Variants in HEATR5B observed in about 807,000 individuals in gnomAD.
HEATR5B encodes the protein HEAT repeat containing 5B, also known as HEAT repeat-containing protein 5B.
A neutral mutation model predicts 224.1 loss-of-function variants in HEATR5B; 156 were observed. The observed-to-expected ratio is 0.70, with a 90% CI of 0.61 to 0.80. The LOEUF (loss-of-function observed/expected upper bound fraction) is 0.80, where lower values mean the gene tolerates loss of function less well. HEATR5B is among the 30% of genes least tolerant of loss of function. The pLI is 0.00. For missense variants in HEATR5B, 2,323 were observed against 2,535.5 expected, an observed-to-expected ratio of 0.92 and a Z score of 1.80; for synonymous variants, 1,027 against 893.0, an observed-to-expected ratio of 1.15 and a Z score of -2.68.
At chr2:37,029,594 G>A (rs771651390) in intron 22 of HEATR5B, among the ~76,000 whole-genome samples, 3 of 152,012 alleles carry the variant, frequency 2.0e-5, no homozygotes, top group Non-Finnish European at 2.9e-5. Flanking sequence ...AACCCAAGAG[G>A]CGGATGTTGC....
intron 16 of HEATR5B, among the ~76,000 whole-genome samples, chr2:37,055,895 T>C (rs1273691534): frequency 1.3e-5 from 2 of 152,248 alleles, no homozygotes; most frequent in African/African-American, 4.8e-5. Context: ...CTAGGAATAG[T>C]GTCTGTGGAT....
chr2:37,041,136 G>A lies in HEATR5B; in HGVS notation c.2853C>T (p.Val951=), dbSNP rs932125105. The change falls in exon 19 of 36, where the codon GTC becomes GTT. Residue 951 remains valine, a synonymous_variant. Coordinates refer to ENST00000233099, the MANE Select transcript of HEATR5B (RefSeq NM_019024.3). ...AAAAAAACCAATTATATTATACCTG[G>A]ACTTCAGGGGATGTCCCATCTTGTG... ...ALAQDGTSPE[V]QTWSLHSLAL... 6.2e-7 allele frequency: 1 copy of A among 1,611,964 alleles called. No homozygotes were observed. Among genetic ancestry groups the A allele is most frequent in the Non-Finnish European group, 8.5e-7 (1 of 1,178,988 alleles).
chr2:37,033,982 C>T (rs1009899475), intron 21 of HEATR5B, among the ~76,000 whole-genome samples: 1 of 151,916 alleles, frequency 6.6e-6, no homozygotes, highest in East Asian at 1.9e-4. Context: ...AGAAAGAGTC[C>T]CAGACACAAA....
chr2:37,033,237 T>G (rs1669251883), intron 21 of HEATR5B, among the ~76,000 whole-genome samples: 1 of 152,162 alleles, frequency 6.6e-6, no homozygotes, highest in Non-Finnish European at 1.5e-5. Flanking sequence ...ACAACCTCAG[T>G]TGTTTAAAAT....
Position 36,988,637 on chromosome 2 carries a change from TA to T in HEATR5B, c.5911+8del. On this transcript the variant is annotated splice_region_variant and intron_variant, in intron 35 of 35. Transcript: ENST00000233099. ...CTGAACTAGTAGCTTTTTATAAGAA[TA>T]TACTTACTGTTTTGTTCTTCACCAA... The T allele has an allele frequency of 1.3e-6, 2 of 1,597,026 alleles. No individual in the cohort carries two copies. Among genetic ancestry groups the T allele is most frequent in the Admixed American group, 3.3e-5 (2 of 59,802 alleles).
At chr2:36,996,151 C>T (rs1214980947) in intron 33 of HEATR5B, among the ~76,000 whole-genome samples, 1 of 151,894 alleles carries the variant, frequency 6.6e-6, no homozygotes, top group Non-Finnish European at 1.5e-5. Context: ...ACCTCCACCT[C>T]CCAGGTTCAA....
chr2:37,028,423 T>G (rs765406409), intron 23 of HEATR5B, among the ~76,000 whole-genome samples: 22 of 152,098 alleles, frequency 1.4e-4, no homozygotes, highest in Non-Finnish European at 2.6e-4. Context: ...CTAGAGTAAC[T>G]TGGGGTTTTT....
chr2:37,038,324 G>A (rs942442769), intron 20 of HEATR5B, among the ~76,000 whole-genome samples: 5 of 152,050 alleles, frequency 3.3e-5, no homozygotes, highest in African/African-American at 1.2e-4. Context: ...ACTTTTAGTA[G>A]AGATGAGTTT....
intron 30 of HEATR5B, among the ~76,000 whole-genome samples, chr2:37,004,808 C>T (rs954841420): frequency 2.6e-5 from 4 of 152,208 alleles, no homozygotes; most frequent in Non-Finnish European, 5.9e-5. Flanking sequence ...TGCTATTTAT[C>T]CTCAAGCTTC....
chr2:37,035,411 C>CAGAATT (rs1558761344), intron 21 of HEATR5B, among the ~76,000 whole-genome samples: 1 of 152,114 alleles, frequency 6.6e-6, no homozygotes, highest in Non-Finnish European at 1.5e-5. Context: ...CTGGACACTC[C>CAGAATT]GTTGTGTTCC....
intron 5 of HEATR5B, among the ~76,000 whole-genome samples, chr2:37,073,726 C>A (rs183406549): frequency 6.6e-6 from 1 of 152,170 alleles, no homozygotes; most frequent in African/African-American, 2.4e-5. Context: ...GATGGCAATT[C>A]TCTCCAAATT....
At chr2:37,057,186 T>C (rs1290774385) in intron 15 of HEATR5B, 131 bp downstream of exon 15, 1 of 584,376 alleles carries the variant, frequency 1.7e-6, no homozygotes, top group Non-Finnish European at 2.7e-6. Flanking sequence ...CAGGATGCCA[T>C]CTTTAAGTGT....
chr2:37,069,690 T>A (rs879931219), intron 7 of HEATR5B, among the ~76,000 whole-genome samples: 25 of 152,164 alleles, frequency 1.6e-4, no homozygotes, highest in Non-Finnish European at 1.3e-4. Context: ...TTAAAGATAT[T>A]TACACAAATA....
At chr2:37,040,741 T>C (rs898317390) in intron 19 of HEATR5B, among the ~76,000 whole-genome samples, 12 of 151,568 alleles carry the variant, frequency 7.9e-5, no homozygotes, top group Non-Finnish European at 1.6e-4. Flanking sequence ...AAAAACAAAA[T>C]ATTCAAAGGG....
At position 37,054,207 on chromosome 2, in the gene HEATR5B, T is replaced by C. The variant is rs866960237; in HGVS notation, c.2400-600A>G. On this transcript the variant is annotated intron_variant, in intron 16 of 35. Coordinates refer to ENST00000233099, the MANE Select transcript of HEATR5B (RefSeq NM_019024.3). ...TGATTTCTCTGTTTTTTTTTTTTTT[T>C]TTTTGAGATGGAGTTTCGCTCTTGT... Among the ~76,000 whole-genome samples, 1,397 of 148,548 alleles carry C rather than the reference T, an allele frequency of 9.4e-3. 18 individuals carry two copies. Among genetic ancestry groups the C allele is most frequent in the African/African-American group, 0.033 (1,332 of 40,392 alleles).
rs1238892392 is a variant in HEATR5B, at chr2:37,008,710, G to A, written c.4423C>T (p.Pro1475Ser). The A allele has an allele frequency of 6.2e-7, 1 of 1,613,946 alleles. No homozygotes were observed. The highest frequency in any genetic ancestry group is 1.3e-5 in the African/African-American group (1 of 74,922). ...PPDSLITLVQ[P>S]ELPTLSRLWL... Reference sequence around the variant, plus strand: ...AGGCGACTGAGTGTTGGTAGTTCAGGTTGTACCAGTGTTATTAAACTATCT... The same window carrying A: ...AGGCGACTGAGTGTTGGTAGTTCAGATTGTACCAGTGTTATTAAACTATCT... Residue 1475 changes from proline to serine, a missense_variant, in exon 28 of 36, where the codon CCT (proline) becomes TCT (serine). Physicochemically the swap from Pro to Ser is moderately conservative, Grantham distance 74 (BLOSUM62 -1). Coordinates refer to ENST00000233099, the MANE Select transcript of HEATR5B (RefSeq NM_019024.3).
intron 24 of HEATR5B, among the ~76,000 whole-genome samples, chr2:37,021,886 C>CAAA (rs3080799): frequency 1.6e-5 from 2 of 126,486 alleles, no homozygotes; most frequent in Non-Finnish European, 3.4e-5. Flanking sequence ...GACCCTGTTT[C>CAAA]AAAAAAAAAA....
chr2:37,065,812 T>C lies in HEATR5B; in HGVS notation c.1276A>G (p.Ser426Gly), dbSNP rs1306737756. The stretch of plus-strand genomic sequence containing the variant: ...GTGGCATTCAAGCTCTGCACCAGGC[T>C]CCCGAGTTCCTGGAGGGCACAGACC... ...VMVCALQELG[S>G]LVQSLNATAS... Residue 426 changes from serine to glycine, a missense_variant, in exon 9 of 36, where the codon AGC (serine) becomes GGC (glycine). By Grantham distance (56) the Ser-to-Gly change is moderately conservative. Transcript: ENST00000233099. 19 of 1,614,014 alleles carry C rather than the reference T, an allele frequency of 1.2e-5. No individual in the cohort carries two copies. Among genetic ancestry groups the C allele is most frequent in the Non-Finnish European group, 1.6e-5 (19 of 1,179,916 alleles).
intron 22 of HEATR5B, among the ~76,000 whole-genome samples, 191 bp from the exon 23 acceptor site, chr2:37,029,111 T>C (rs1668959613): frequency 6.6e-6 from 1 of 152,220 alleles, no homozygotes; most frequent in Non-Finnish European, 1.5e-5. Context: ...ATTAGAGTAA[T>C]ACCTCGAACT....
Sources: allele counts gnomAD v4.1 joint callset (sites outside exome capture counted in the v4.1 genomes callset), GRCh38; gene constraint gnomAD v4.1.1; transcripts MANE v1.5; gene names NCBI Gene and HGNC (gene_info 2026-07-23, HGNC 2026-07-21).